TAOK1: variants seen among roughly 807,000 people sequenced by gnomAD.
The protein encoded by TAOK1 is TAO kinase 1.
Under a neutral mutation model 138.3 loss-of-function variants are expected in TAOK1, and 21 were observed. The ratio of observed to expected loss-of-function variants is 0.15; its 90% CI spans 0.11 to 0.22. The LOEUF is 0.22. Ranked by LOEUF, TAOK1 falls within the 10% of genes least tolerant of loss-of-function variation. The pLI is 1.00. For synonymous variants in TAOK1, 361 were observed against 398.4 expected, an observed-to-expected ratio of 0.91 and a Z score of 1.12; for missense variants, 651 against 1,227.7, an observed-to-expected ratio of 0.53 and a Z score of 7.02.
intron 18 of TAOK1, 152 bp downstream of exon 18, chr17:29,530,771 A>G (rs1473052035): frequency 3.0e-6 from 2 of 667,248 alleles, no homozygotes; most frequent in Non-Finnish European, 5.2e-6. Flanking sequence ...CCTGTTCTCA[A>G]CATTGCTTGA....
rs751170834 is a variant in TAOK1, at chr17:29,542,858, T to G, written c.2842T>G (p.Ser948Ala). ...QGGPQPWGHP[S>A]GPMQGVPRGS... ...TGGACCCCAGCCATGGGGTCACCCT[T>G]CAGGGCCAATGCAAGGGGTACCTCG... Residue 948 changes from serine (S) to alanine (A), a missense_variant, in exon 20 of 20, where the codon TCA (serine) becomes GCA (alanine). By Grantham distance (99) the Ser-to-Ala change is moderately conservative. Coordinates refer to ENST00000261716, the MANE Select transcript of TAOK1 (RefSeq NM_020791.4). 19 of 1,613,952 alleles carry G rather than the reference T, an allele frequency of 1.2e-5. No homozygotes were observed. The East Asian group carries it at 4.0e-4, about 34-fold the overall frequency.
chr17:29,472,022 T>C (rs1335309979), intron 3 of TAOK1, among the ~76,000 whole-genome samples: 1 of 152,178 alleles, frequency 6.6e-6, no homozygotes, highest in East Asian at 1.9e-4. Flanking sequence ...TTTCCTGCTG[T>C]TTCCACCACA....
At chr17:29,468,536 A>G (rs1171561429) in intron 3 of TAOK1, among the ~76,000 whole-genome samples, 7 of 150,808 alleles carry the variant, frequency 4.6e-5, no homozygotes, top group Non-Finnish European at 7.4e-5. Flanking sequence ...TTGACAGTAA[A>G]TTATACTGGA....
chr17:29,487,439 A>G (rs747336933), intron 8 of TAOK1, among the ~76,000 whole-genome samples: 1 of 152,154 alleles, frequency 6.6e-6, no homozygotes, highest in Non-Finnish European at 1.5e-5. Context: ...GTATAAATGT[A>G]TTATGTACAT....
At chr17:29,449,217 A>G (rs1335078795) in intron 1 of TAOK1, among the ~76,000 whole-genome samples, 1 of 152,146 alleles carries the variant, frequency 6.6e-6, no homozygotes, top group East Asian at 1.9e-4. Flanking sequence ...TTTATATGGA[A>G]TTTAGTTCAG....
chr17:29,551,220 T>G lies in TAOK1; in HGVS notation c.*8198T>G, dbSNP rs2032487526. 6.6e-6 allele frequency: 1 copy of G among 152,218 alleles called. No homozygotes were observed. Among genetic ancestry groups the G allele is most frequent in the African/African-American group, 2.4e-5 (1 of 41,448 alleles). The allele number at this position is 152,218 out of a possible 1,614,324, so 9.4% of individuals were successfully genotyped here. ...TCCAGATAAAATGAGGGTTATCAGC[T>G]AACTGATATGCTATCATTGAGGTTC... On this transcript the variant is annotated 3_prime_UTR_variant, in exon 20 of 20. Transcript: ENST00000261716.
At position 29,522,379 on chromosome 17, in the gene TAOK1, A is replaced by G. The variant is rs2031935171; in HGVS notation, c.2008A>G (p.Ile670Val). Residue 670 changes from isoleucine (I) to valine (V), a missense_variant, in exon 17 of 20, where the codon ATT becomes GTT. By Grantham distance (29) the Ile-to-Val change is conservative (BLOSUM62 3). Transcript: ENST00000261716. ...ACTGGAGTTCCGCCACCTCAACACAATTCAGAAGATGCGCTGTGAGTTGAT... is the reference window on the plus strand; with the variant it reads ...ACTGGAGTTCCGCCACCTCAACACAGTTCAGAAGATGCGCTGTGAGTTGAT... ...QELEFRHLNT[I>V]QKMRCELIRL... The G allele has an allele frequency of 6.2e-7, 1 of 1,614,190 alleles. No homozygotes were observed.
At chr17:29,434,987 A>T (rs1905981496) in intron 1 of TAOK1, among the ~76,000 whole-genome samples, 1 of 152,122 alleles carries the variant, frequency 6.6e-6, no homozygotes, top group Admixed American at 6.5e-5. Context: ...ACACCCAGAT[A>T]ACTGGTGGCT....
At chr17:29,444,039 C>G (rs1327973140) in intron 1 of TAOK1, among the ~76,000 whole-genome samples, 1 of 151,278 alleles carries the variant, frequency 6.6e-6, no homozygotes, top group Non-Finnish European at 1.5e-5. Flanking sequence ...TGCTTGAGCT[C>G]GGGAGACAGA....
chr17:29,410,246 C>G (rs1254342708), intron 1 of TAOK1, among the ~76,000 whole-genome samples: 3 of 151,998 alleles, frequency 2.0e-5, no homozygotes, highest in African/African-American at 7.3e-5. Context: ...ATGTATAGCT[C>G]TTAGTTTTGT....
intron 2 of TAOK1, among the ~76,000 whole-genome samples, chr17:29,457,089 CTTTTTTTTT>C (rs548221652): frequency 9.3e-6 from 1 of 107,408 alleles, no homozygotes; most frequent in South Asian, 3.3e-4. Context: ...TTTTCTTTTT[CTTTTTTTTT>C]TTTTTTTTTT....
At chr17:29,533,005 A>ACTC (rs1555568796) in intron 18 of TAOK1, among the ~76,000 whole-genome samples, 6 of 68,522 alleles carry the variant, frequency 8.8e-5, no homozygotes, top group Admixed American at 1.4e-4. Flanking sequence ...CCCACCTCCA[A>ACTC]CCGGGCGGGG....
chr17:29,398,164 A>C (rs980424072), intron 1 of TAOK1, among the ~76,000 whole-genome samples: 26 of 151,894 alleles, frequency 1.7e-4, no homozygotes, highest in Non-Finnish European at 2.9e-5. Context: ...CCACAGTACC[A>C]GGCCTGTGGT....
At chr17:29,505,723 CAGG>C (rs767863038) in intron 13 of TAOK1, among the ~76,000 whole-genome samples, 1 of 151,774 alleles carries the variant, frequency 6.6e-6, no homozygotes, top group Non-Finnish European at 1.5e-5. Context: ...AAAAAGAAAT[CAGG>C]AGTTCAAGAC....
chr17:29,418,966 G>T (rs1905344701), intron 1 of TAOK1, among the ~76,000 whole-genome samples: 3 of 137,042 alleles, frequency 2.2e-5, no homozygotes, highest in African/African-American at 2.7e-5. Context: ...TTTAGAATCA[G>T]TTTGTCAGTT....
At chr17:29,441,981 G>A (rs1002806337) in intron 1 of TAOK1, among the ~76,000 whole-genome samples, 1 of 151,604 alleles carries the variant, frequency 6.6e-6, no homozygotes, top group Admixed American at 6.6e-5. Flanking sequence ...CTGGTTAATA[G>A]GTTTGTCTGT....
chr17:29,493,966 G>A (rs1040150542), intron 10 of TAOK1, among the ~76,000 whole-genome samples: 4 of 151,970 alleles, frequency 2.6e-5, no homozygotes, highest in Non-Finnish European at 1.5e-5. Flanking sequence ...GCACAGGCTG[G>A]AGTGCAGTTA....
At chr17:29,448,715 T>C (rs958431992) in intron 1 of TAOK1, among the ~76,000 whole-genome samples, 5 of 152,228 alleles carry the variant, frequency 3.3e-5, no homozygotes, top group Admixed American at 6.5e-5. Context: ...CTGTTTGTTC[T>C]GTAAGTATTT....
At chr17:29,508,577 C>T (rs2031665961) in intron 14 of TAOK1, among the ~76,000 whole-genome samples, 1 of 152,048 alleles carries the variant, frequency 6.6e-6, no homozygotes, top group Non-Finnish European at 1.5e-5. Context: ...TCCTGGTTAT[C>T]TGAGGAGTTT....
Sources: allele counts gnomAD v4.1 joint callset (sites outside exome capture counted in the v4.1 genomes callset), GRCh38; gene constraint gnomAD v4.1.1; transcripts MANE v1.5; gene names NCBI Gene and HGNC (gene_info 2026-07-23, HGNC 2026-07-21).